The following SMYD2 variants were observed in gnomAD, a reference collection of about 807,000 sequenced individuals.
SMYD2 encodes the protein N-lysine methyltransferase SMYD2.
A neutral mutation model predicts 59.1 loss-of-function variants in SMYD2; 53 were observed. That is an observed-to-expected ratio of 0.90 (90% CI 0.72 to 1.13). The LOEUF (loss-of-function observed/expected upper bound fraction) is 1.13, where lower values mean the gene tolerates loss of function less well. Ranked by LOEUF, SMYD2 falls within the 50% of genes most tolerant of loss-of-function variation. The pLI is 0.00. For synonymous variants in SMYD2, 208 were observed against 198.8 expected, an observed-to-expected ratio of 1.05 and a Z score of -0.39; for missense variants, 494 against 544.7, an observed-to-expected ratio of 0.91 and a Z score of 0.93.
chr1:214,328,797 A>C (rs572201003), intron 7 of SMYD2, among the ~76,000 whole-genome samples: 6 of 152,182 alleles, frequency 3.9e-5, no homozygotes, highest in Non-Finnish European at 7.4e-5. Context: ...CATTACGATG[A>C]GGGTGTGTCC....
chr1:214,320,577 G>A lies in SMYD2; in HGVS notation c.534+1594G>A, dbSNP rs1216213347. ...AGAGTTCGAGGCTGCAGTAAGCTGT[G>A]ATCAAACCACTGCACTTCAGCCTAG... On this transcript the variant is annotated intron_variant, in intron 5 of 11. Coordinates refer to ENST00000366957, the MANE Select transcript of SMYD2 (RefSeq NM_020197.3). Among the ~76,000 whole-genome samples the A allele has an allele frequency of 2.6e-5, 4 of 152,144 alleles. 1 individual carries two copies. The highest frequency in any genetic ancestry group is 4.2e-4 in the South Asian group (2 of 4,818).
chr1:214,314,735 T>G (rs765588095), intron 2 of SMYD2, 27 bp from the exon 3 acceptor site: 16 of 1,564,372 alleles, frequency 1.0e-5, no homozygotes, highest in Non-Finnish European at 1.3e-5. Context: ...TGCTATTTTT[T>G]AATAATGTTT....
chr1:214,291,291 TTC>T (rs1432925447), intron 1 of SMYD2, among the ~76,000 whole-genome samples: 2 of 152,344 alleles, frequency 1.3e-5, no homozygotes, highest in East Asian at 3.9e-4. Flanking sequence ...GGAAGATTTG[TTC>T]TTTTTCTTTC....
At chr1:214,296,657 C>G (rs1315451657) in intron 1 of SMYD2, among the ~76,000 whole-genome samples, 1 of 152,194 alleles carries the variant, frequency 6.6e-6, no homozygotes, top group East Asian at 1.9e-4. Context: ...ATTTAACTTT[C>G]ATAGCAAACC....
chr1:214,313,910 G>A (rs1211494968), intron 2 of SMYD2, among the ~76,000 whole-genome samples: 2 of 152,142 alleles, frequency 1.3e-5, no homozygotes, highest in African/African-American at 4.8e-5. Context: ...CAGGCACGGT[G>A]GCTCACGCCT....
chr1:214,287,696 T>C (rs1656573505), intron 1 of SMYD2, among the ~76,000 whole-genome samples: 1 of 151,928 alleles, frequency 6.6e-6, no homozygotes, highest in African/African-American at 2.4e-5. Context: ...TAGTTTTCAG[T>C]ATTTTTCAAA....
At position 214,334,234 on chromosome 1, in the gene SMYD2, T is replaced by C; in HGVS notation, c.1147T>C (p.Ser383Pro). 1 of 1,614,056 alleles carries C rather than the reference T, an allele frequency of 6.2e-7. No individual in the cohort carries two copies. Among genetic ancestry groups the C allele is most frequent in the Non-Finnish European group, 8.5e-7 (1 of 1,180,004 alleles). Residue 383 changes from serine (S) to proline (P), a missense_variant, in exon 11 of 12, where the codon TCC becomes CCC. Physicochemically the swap from Ser to Pro is moderately conservative, Grantham distance 74. Coordinates refer to ENST00000366957, the MANE Select transcript of SMYD2 (RefSeq NM_020197.3). The stretch of plus-strand genomic sequence containing the variant: ...TCCTTTGTACTCCCTCAACGTGGCC[T>C]CCATGTGGTTGAAGCTAGGGAGACT... ...HYPLYSLNVA[S>P]MWLKLGRLYM...
rs1231809701 is a variant in SMYD2, at chr1:214,305,103, A to G, written c.174-84A>G. 3 of 1,305,540 alleles carry G rather than the reference A, an allele frequency of 2.3e-6. No homozygotes were observed. In the African/African-American group the frequency reaches 4.4e-5, roughly 19 times the overall value. 80.9% of individuals were successfully genotyped at this position (1,305,540 alleles called of 1,614,324 possible). On this transcript the variant is annotated intron_variant, in intron 1 of 11. Transcript: ENST00000366957. ...GAACCTTGGCTCTGCTTTCCAACCA[A>G]GTGGCTTTTGTTGTTGCATGATAAA...
chr1:214,317,492 T>G (rs1657105640), intron 3 of SMYD2, among the ~76,000 whole-genome samples: 1 of 152,268 alleles, frequency 6.6e-6, no homozygotes, highest in Non-Finnish European at 1.5e-5. Flanking sequence ...TCCTGAGCTC[T>G]GCCTTTGAAC....
intron 2 of SMYD2, among the ~76,000 whole-genome samples, chr1:214,310,450 C>T (rs1656981320): frequency 6.6e-6 from 1 of 150,870 alleles, no homozygotes; most frequent in Admixed American, 6.6e-5. Context: ...TGAGAGAATA[C>T]TTTGGTATAT....
chr1:214,317,909 CTT>C (rs1194933201), intron 3 of SMYD2, among the ~76,000 whole-genome samples, 168 bp from the exon 4 acceptor site: 1 of 152,160 alleles, frequency 6.6e-6, no homozygotes, highest in Non-Finnish European at 1.5e-5. Context: ...TTAGAAGAGT[CTT>C]TGGATTTGGC....
At chr1:214,285,520 A>C (rs1656523110) in intron 1 of SMYD2, among the ~76,000 whole-genome samples, 1 of 152,232 alleles carries the variant, frequency 6.6e-6, no homozygotes, top group Non-Finnish European at 1.5e-5. Flanking sequence ...GCTCTAATAA[A>C]GGGGTTCCCC....
At chr1:214,283,519 T>C (rs1272196377) in intron 1 of SMYD2, among the ~76,000 whole-genome samples, 2 of 152,224 alleles carry the variant, frequency 1.3e-5, no homozygotes, top group African/African-American at 4.8e-5. Context: ...ACTTATGCAA[T>C]TAGAAATATC....
intron 9 of SMYD2, 147 bp downstream of exon 9, chr1:214,331,217 T>C: frequency 8.8e-7 from 1 of 1,142,316 alleles, no homozygotes; most frequent in Non-Finnish European, 1.2e-6. Context: ...AAAGGCGTAC[T>C]GACCACCCAC....
intron 1 of SMYD2, among the ~76,000 whole-genome samples, chr1:214,304,441 T>C (rs574171712): frequency 6.6e-6 from 1 of 151,514 alleles, no homozygotes; most frequent in Admixed American, 6.6e-5. Context: ...TGCCCTATAG[T>C]CCCAGTTACT....
intron 1 of SMYD2, among the ~76,000 whole-genome samples, chr1:214,296,251 G>A (rs553817621): frequency 1.6e-4 from 24 of 152,208 alleles, no homozygotes; most frequent in Non-Finnish European, 3.1e-4. Context: ...CATGGTTTCC[G>A]ATTTTTAAAA....
intron 1 of SMYD2, among the ~76,000 whole-genome samples, chr1:214,289,364 T>C (rs1425216597): frequency 6.6e-6 from 1 of 152,224 alleles, no homozygotes. Flanking sequence ...AATTACTGTT[T>C]TATGCCACTT....
Position 214,312,410 on chromosome 1 carries a change from G to A in SMYD2, c.238-2352G>A, listed in dbSNP as rs1042082513. On this transcript the variant is annotated intron_variant, in intron 2 of 11. Transcript: ENST00000366957. The surrounding 1 kb of genome is among the most constrained non-coding windows in gnomAD (Gnocchi z 4.1). ...CAAAATTTCTTTATTTTCCTGGGGA[G>A]AGACAGATACTAAACCAAACAACTA... 6.6e-6 allele frequency among the ~76,000 whole-genome samples: 1 copy of A among 152,182 alleles called. No homozygotes were observed. Among genetic ancestry groups the A allele is most frequent in the Non-Finnish European group, 1.5e-5 (1 of 68,032 alleles).
intron 3 of SMYD2, among the ~76,000 whole-genome samples, chr1:214,315,728 G>A (rs1657075565): frequency 6.6e-6 from 1 of 152,200 alleles, no homozygotes; most frequent in Admixed American, 6.5e-5. Flanking sequence ...ATACCATAGG[G>A]AAGAAATGTG....
Sources: gnomAD v4.1 joint callset for allele counts (sites outside exome capture counted in the v4.1 genomes callset) on GRCh38, gnomAD v4.1.1 for gene constraint, Gnocchi (gnomAD v3.1) non-coding constraint, MANE v1.5 for transcripts, NCBI Gene and HGNC (gene_info 2026-07-23, HGNC 2026-07-21) for gene names.